The following CAST variants were observed in gnomAD, a reference collection of about 807,000 sequenced individuals.
CAST encodes calpastatin.
In CAST, 76 loss-of-function variants were observed where a neutral mutation model predicts 119.6. The ratio of observed to expected loss-of-function variants is 0.64; its 90% CI spans 0.53 to 0.77. CAST has a LOEUF of 0.77. Among genes scored for constraint, CAST ranks in the 30% least tolerant of loss-of-function variants. The pLI, the probability that CAST is intolerant of heterozygous loss-of-function variation, is 0.00. For synonymous variants in CAST, 319 were observed against 331.6 expected (o/e 0.96, Z 0.41); for missense variants, 953 against 946.5 (o/e 1.01, Z -0.09).
chr5:96,616,399 A>C (rs1292100552), intron 1 of CAST, among the ~76,000 whole-genome samples: 1 of 152,200 alleles, frequency 6.6e-6, no homozygotes, highest in African/African-American at 2.4e-5. Flanking sequence ...GACAGAAAGC[A>C]ACCAAGTAGG....
chr5:96,102,506 A>G, the CAST span, among the ~76,000 whole-genome samples: 1 of 152,072 alleles, frequency 6.6e-6, no homozygotes, highest in South Asian at 2.1e-4. Flanking sequence ...GAAATAACCA[A>G]TCAGGAGAGA....
the CAST span, among the ~76,000 whole-genome samples, chr5:96,425,041 AAAGAAAG>A: frequency 0.012 from 1,654 of 143,418 alleles, 47 homozygotes; most frequent in Admixed American, 0.055. Context: ...AGAAAGAAAG[AAAGAAAG>A]AAAGAAAGAA....
the CAST span, among the ~76,000 whole-genome samples, chr5:96,261,950 G>A: frequency 2.8e-4 from 43 of 152,178 alleles, 1 homozygote; most frequent in South Asian, 6.4e-3. Context: ...ACCTTTCGAG[G>A]TAGATATTAT....
chr5:96,774,283 A>G lies in CAST; in HGVS notation c.*1667A>G. The G allele has an allele frequency of 6.3e-6, 1 of 159,860 alleles. No individual in the cohort carries two copies. Among genetic ancestry groups the G allele is most frequent in the Non-Finnish European group, 1.4e-5 (1 of 73,618 alleles). 9.9% of individuals were successfully genotyped at this position (159,860 alleles called of 1,614,324 possible). A position where few individuals can be genotyped will look rare whatever the true frequency, so the allele number is the denominator to read the frequency against. ...TGGAAGTATTTTTAAATGGCATACC[A>G]AAATCCAGAAGTTTAAAGATGCCTA... On this transcript the variant is annotated 3_prime_UTR_variant, in exon 32 of 32. Transcript: ENST00000675179.
the CAST span, among the ~76,000 whole-genome samples, chr5:96,265,297 A>G: frequency 6.6e-6 from 1 of 151,888 alleles, no homozygotes; most frequent in Non-Finnish European, 1.5e-5. Context: ...GTATGTAAAT[A>G]TATATATTTT....
intron 3 of CAST, among the ~76,000 whole-genome samples, chr5:96,706,138 T>C (rs1453561180): frequency 6.6e-6 from 1 of 152,218 alleles, no homozygotes; most frequent in Non-Finnish European, 1.5e-5. Context: ...CCTAAGATGC[T>C]GTTACATTAA....
chr5:96,232,018 A>AAAAAGCT, the CAST span, among the ~76,000 whole-genome samples: 1 of 152,136 alleles, frequency 6.6e-6, no homozygotes, highest in Non-Finnish European at 1.5e-5. Context: ...TTTAAAGAAA[A>AAAAAGCT]TATGGTATGT....
chr5:96,711,368 G>C (rs1423461553), intron 3 of CAST, among the ~76,000 whole-genome samples: 1 of 152,080 alleles, frequency 6.6e-6, no homozygotes, highest in African/African-American at 2.4e-5. Flanking sequence ...AAAAAATTCT[G>C]GAATGCTCTG....
the CAST span, among the ~76,000 whole-genome samples, chr5:95,992,092 T>C: frequency 6.6e-6 from 1 of 152,190 alleles, no homozygotes; most frequent in Non-Finnish European, 1.5e-5. Context: ...ACATTAATAA[T>C]ATGCAGCAGC....
chr5:96,460,684 C>T, the CAST span, among the ~76,000 whole-genome samples: 1 of 151,972 alleles, frequency 6.6e-6, no homozygotes, highest in Non-Finnish European at 1.5e-5. Flanking sequence ...TGGAAGAAAT[C>T]ATGCTTGCAT....
At chr5:96,714,946 T>A (rs1352405525) in intron 3 of CAST, 2 of 148,408 alleles carry the variant, frequency 1.3e-5, no homozygotes, top group Admixed American at 1.3e-4. Flanking sequence ...GTATCAGAGC[T>A]CATAATCAGA....
chr5:96,358,417 G>C, the CAST span, among the ~76,000 whole-genome samples: 1 of 152,054 alleles, frequency 6.6e-6, no homozygotes, highest in African/African-American at 2.4e-5. Flanking sequence ...TTTTAATTGT[G>C]ATGTTAGGTT....
chr5:96,409,451 A>T, the CAST span, among the ~76,000 whole-genome samples: 1 of 152,204 alleles, frequency 6.6e-6, no homozygotes, highest in Non-Finnish European at 1.5e-5. Context: ...GCTGAGGAAA[A>T]GGTTTGCGTA....
chr5:96,125,705 T>C, the CAST span, among the ~76,000 whole-genome samples: 2 of 152,174 alleles, frequency 1.3e-5, no homozygotes, highest in African/African-American at 4.8e-5. Flanking sequence ...CAGTCAGATA[T>C]TATCATTCTT....
At chr5:96,240,564 T>A in the CAST span, among the ~76,000 whole-genome samples, 1 of 152,002 alleles carries the variant, frequency 6.6e-6, no homozygotes, top group Non-Finnish European at 1.5e-5. Flanking sequence ...TTCATTTTTT[T>A]ATTATTATTA....
the CAST span, among the ~76,000 whole-genome samples, chr5:96,057,887 G>A: frequency 3.9e-5 from 6 of 152,112 alleles, no homozygotes; most frequent in African/African-American, 7.2e-5. Flanking sequence ...TGTGGCAAGA[G>A]CATTTAAATT....
At chr5:96,130,449 G>GAAA in the CAST span, among the ~76,000 whole-genome samples, 170 of 144,366 alleles carry the variant, frequency 1.2e-3, 1 homozygote, top group Middle Eastern at 7.2e-3. Flanking sequence ...AGGACATTAG[G>GAAA]AAAAAAAAAA....
chr5:96,092,952 G>A, the CAST span, among the ~76,000 whole-genome samples: 2 of 152,158 alleles, frequency 1.3e-5, no homozygotes. Flanking sequence ...CTTAATCATT[G>A]TTCGGCGATT....
chr5:96,020,522 C>T, the CAST span, among the ~76,000 whole-genome samples: 37 of 152,234 alleles, frequency 2.4e-4, 1 homozygote, highest in East Asian at 6.8e-3. Context: ...TGCCTGAGTT[C>T]CACCTCTTGT....
Sources: allele counts gnomAD v4.1 joint callset (sites outside exome capture counted in the v4.1 genomes callset), GRCh38; gene constraint gnomAD v4.1.1; transcripts MANE v1.5; gene names NCBI Gene and HGNC (gene_info 2026-07-23, HGNC 2026-07-21).